The following MACROD2 variants were observed in gnomAD, a reference collection of about 807,000 sequenced individuals.
The protein encoded by MACROD2 is mono-ADP ribosylhydrolase 2, also known as ADP-ribose glycohydrolase MACROD2.
In MACROD2, 36 loss-of-function variants were observed where a neutral mutation model predicts 70.4. The observed-to-expected ratio is 0.51, with a 90% CI of 0.39 to 0.68. MACROD2 has a LOEUF of 0.68. Among genes scored for constraint, MACROD2 ranks in the 30% least tolerant of loss-of-function variants. The pLI is 0.00. For synonymous variants in MACROD2, 172 were observed against 178.8 expected (o/e 0.96, Z 0.30); for missense variants, 496 against 538.4 (o/e 0.92, Z 0.78).
chr20:14,873,738 A>C (rs1309267903), intron 5 of MACROD2, among the ~76,000 whole-genome samples: 2 of 152,022 alleles, frequency 1.3e-5, no homozygotes, highest in African/African-American at 4.8e-5. Flanking sequence ...GGGCCTCTCT[A>C]ATCCCAGCTA....
chr20:15,917,738 G>A lies in MACROD2; in HGVS notation c.776-15538G>A, dbSNP rs147070025. On this transcript the variant is annotated intron_variant, in intron 10 of 17. Coordinates refer to ENST00000684519, the MANE Select transcript of MACROD2 (RefSeq NM_001351661.2). ...AATTCTCAAAACCAAAAAAATCTAC[G>A]TTTTATTTTTACCAGGGCATTAGTA... 3.6e-3 allele frequency among the ~76,000 whole-genome samples: 547 copies of A among 151,632 alleles called. 2 individuals carry two copies. Among genetic ancestry groups the A allele is most frequent in the African/African-American group, 0.013 (524 of 41,304 alleles).
At chr20:15,533,314 A>G (rs2047828752) in intron 8 of MACROD2, among the ~76,000 whole-genome samples, 1 of 152,204 alleles carries the variant, frequency 6.6e-6, no homozygotes, top group Non-Finnish European at 1.5e-5. Context: ...AGAGAATTGC[A>G]GAAGGTAAAA....
At chr20:15,197,674 T>C (rs1455191518) in intron 5 of MACROD2, among the ~76,000 whole-genome samples, 1 of 152,150 alleles carries the variant, frequency 6.6e-6, no homozygotes, top group African/African-American at 2.4e-5. Flanking sequence ...TGTGATTATT[T>C]TGAGAAGTTT....
chr20:14,860,959 TA>T (rs11476156), intron 5 of MACROD2, among the ~76,000 whole-genome samples: 21,182 of 149,152 alleles, frequency 0.14, 1,566 homozygotes, highest in Middle Eastern at 0.26. Context: ...CTGGAGACTT[TA>T]AAAAAAAAAA....
At chr20:14,232,206 A>G (rs1263406731) in intron 3 of MACROD2, among the ~76,000 whole-genome samples, 1 of 9,318 alleles carries the variant, frequency 1.1e-4, no homozygotes, top group East Asian at 4.1e-3. Flanking sequence ...TTAGACATGA[A>G]GTCCTTGCCC....
intron 6 of MACROD2, among the ~76,000 whole-genome samples, chr20:15,417,614 AAAGAAAG>A (rs757750064): frequency 2.8e-5 from 3 of 108,754 alleles, no homozygotes; most frequent in Non-Finnish European, 6.5e-5. Context: ...AAAAAAAAAA[AAAGAAAG>A]AAAGAAAGAA....
chr20:15,501,022 G>A (rs574310203), intron 8 of MACROD2, among the ~76,000 whole-genome samples: 3 of 152,114 alleles, frequency 2.0e-5, no homozygotes, highest in African/African-American at 7.2e-5. Flanking sequence ...GTAGGTATAT[G>A]TTATCTTCAT....
At chr20:15,803,625 G>A (rs1200864017) in intron 8 of MACROD2, among the ~76,000 whole-genome samples, 1 of 151,412 alleles carries the variant, frequency 6.6e-6, no homozygotes, top group Non-Finnish European at 1.5e-5. Context: ...CACAGTGCAA[G>A]GCCTGGGATG....
chr20:15,836,941 A>T (rs758208984), intron 8 of MACROD2, among the ~76,000 whole-genome samples: 3 of 152,240 alleles, frequency 2.0e-5, no homozygotes, highest in African/African-American at 4.8e-5. Flanking sequence ...AATGGAAACC[A>T]CAAGGAATGG....
chr20:14,914,996 A>G (rs543758908), intron 5 of MACROD2, among the ~76,000 whole-genome samples: 1 of 152,352 alleles, frequency 6.6e-6, no homozygotes, highest in South Asian at 2.1e-4. Flanking sequence ...TTTTTAAAAA[A>G]GAATCCTACT....
chr20:15,827,169 TAAG>T (rs1251078564), intron 8 of MACROD2, among the ~76,000 whole-genome samples: 3 of 152,150 alleles, frequency 2.0e-5, no homozygotes, highest in African/African-American at 7.2e-5. Context: ...TTTTCAAAGA[TAAG>T]AAGAAAAACT....
intron 5 of MACROD2, among the ~76,000 whole-genome samples, chr20:15,103,241 C>A (rs2075886863): frequency 6.6e-6 from 1 of 152,162 alleles, no homozygotes; most frequent in African/African-American, 2.4e-5. Context: ...TCTTTCCATT[C>A]TACCAGTCTC....
At chr20:14,999,478 C>A (rs2074976293) in intron 5 of MACROD2, among the ~76,000 whole-genome samples, 1 of 151,970 alleles carries the variant, frequency 6.6e-6, no homozygotes, top group Non-Finnish European at 1.5e-5. Flanking sequence ...GACTCTGTGT[C>A]TACAAAAAAA....
intron 12 of MACROD2, among the ~76,000 whole-genome samples, chr20:15,962,106 C>T (rs1465456714): frequency 1.3e-5 from 2 of 152,204 alleles, no homozygotes; most frequent in Non-Finnish European, 1.5e-5. Flanking sequence ...TGTTGAGTCG[C>T]TGACTTAAAG....
chr20:14,511,171 A>C (rs775469696), intron 4 of MACROD2, among the ~76,000 whole-genome samples: 1 of 152,118 alleles, frequency 6.6e-6, no homozygotes, highest in Non-Finnish European at 1.5e-5. Context: ...GATAGTGATG[A>C]AGACAAGTGT....
chr20:15,948,505 A>C (rs925007735), intron 12 of MACROD2, among the ~76,000 whole-genome samples: 2 of 151,848 alleles, frequency 1.3e-5, no homozygotes, highest in Non-Finnish European at 2.9e-5. Flanking sequence ...AAGATTCCTA[A>C]TAAAAGAAAT....
chr20:15,160,129 C>A (rs945879666), intron 5 of MACROD2, among the ~76,000 whole-genome samples: 30 of 151,902 alleles, frequency 2.0e-4, no homozygotes, highest in African/African-American at 7.2e-4. Context: ...ACAATTGGAA[C>A]CCCTTAATAT....
At chr20:15,659,589 G>A (rs1248526991) in intron 8 of MACROD2, among the ~76,000 whole-genome samples, 3 of 151,898 alleles carry the variant, frequency 2.0e-5, no homozygotes, top group Non-Finnish European at 4.4e-5. Context: ...GGTAATGTCT[G>A]GAGATATTTT....
chr20:14,010,119 C>T (rs576875302), intron 2 of MACROD2, among the ~76,000 whole-genome samples: 1 of 152,134 alleles, frequency 6.6e-6, no homozygotes, highest in South Asian at 2.1e-4. Context: ...ACATGCACCC[C>T]TGAACTTAAA....
Sources: allele counts gnomAD v4.1 joint callset (sites outside exome capture counted in the v4.1 genomes callset), GRCh38; gene constraint gnomAD v4.1.1; transcripts MANE v1.5; gene names NCBI Gene and HGNC (gene_info 2026-07-23, HGNC 2026-07-21).